ACOXL: variants seen among roughly 807,000 people sequenced by gnomAD.
The protein encoded by ACOXL is acyl-CoA oxidase like, also known as acyl-coenzyme A oxidase-like protein.
Under a neutral mutation model 71.9 loss-of-function variants are expected in ACOXL, and 70 were observed. The observed-to-expected ratio is 0.97, with a 90% confidence interval of 0.80 to 1.19. The LOEUF (loss-of-function observed/expected upper bound fraction) is 1.19, where lower values mean the gene tolerates loss of function less well. ACOXL is among the 50% of genes most tolerant of loss of function. The probability of loss-of-function intolerance (pLI) is 0.00; values close to 1 mark genes in which losing one functional copy is unlikely to be tolerated. For missense variants in ACOXL, 703 were observed against 736.3 expected (o/e 0.95, Z 0.52); for synonymous variants, 253 against 281.6 (o/e 0.90, Z 1.02).
At chr2:110,799,406 CAG>C (rs1685677312) in intron 7 of ACOXL, among the ~76,000 whole-genome samples, 1 of 152,172 alleles carries the variant, frequency 6.6e-6, no homozygotes, top group East Asian at 1.9e-4. Context: ...TGGGGGCTCT[CAG>C]GGGGCAGGCT....
chr2:110,758,532 T>A (rs1190135471), intron 1 of ACOXL, among the ~76,000 whole-genome samples: 1 of 152,218 alleles, frequency 6.6e-6, no homozygotes, highest in Non-Finnish European at 1.5e-5. Flanking sequence ...AGTAGTGATA[T>A]CCCCTTTATC....
rs191940924 is a variant in ACOXL at position 110,868,577 on chromosome 2, T to C, written c.788+27172T>C. On this transcript the variant is annotated intron_variant, in intron 10 of 17. Transcript: ENST00000439055. ...CACATCTTATTCATTTTTCTCAGCA[T>C]TGCTCCACTAGAATTTCTTTTCTTT... Among the ~76,000 whole-genome samples, 83 of 152,328 alleles carry C rather than the reference T, an allele frequency of 5.4e-4. 2 individuals are homozygous for C. Among genetic ancestry groups the C allele is most frequent in the Admixed American group, 4.0e-3 (61 of 15,298 alleles).
At chr2:110,963,745 A>G (rs1248342694) in intron 12 of ACOXL, 7 of 1,612,708 alleles carry the variant, frequency 4.3e-6, no homozygotes, top group Non-Finnish European at 4.2e-6. Flanking sequence ...CAAGATCAAG[A>G]GTTATCCAGA....
intron 10 of ACOXL, among the ~76,000 whole-genome samples, chr2:110,844,110 C>T (rs1365038816): frequency 6.6e-6 from 1 of 152,166 alleles, no homozygotes; most frequent in Non-Finnish European, 1.5e-5. Flanking sequence ...AAAGTGATTG[C>T]AGTAACTCAG....
At chr2:111,088,997 A>T (rs1360094852) in intron 16 of ACOXL, among the ~76,000 whole-genome samples, 1 of 152,126 alleles carries the variant, frequency 6.6e-6, no homozygotes, top group Non-Finnish European at 1.5e-5. Context: ...TCTTAATCAG[A>T]TTACTAGAAG....
chr2:110,959,430 CTTT>C lies in ACOXL; in HGVS notation c.1059+25789_1059+25791del, dbSNP rs568466449. ...TTTCTTGGGCACCGGCTCAAAGTCC[CTTT>C]AAGTGCGAAGTCTTTATTCCTGGTT... On this transcript the variant is annotated intron_variant, in intron 12 of 17. Transcript: ENST00000439055. Among the ~76,000 whole-genome samples, 45 of 152,316 alleles carry C rather than the reference CTTT, an allele frequency of 3.0e-4. 1 individual carries two copies. The highest frequency in any genetic ancestry group is 1.1e-3 in the African/African-American group (44 of 41,570).
intron 1 of ACOXL, among the ~76,000 whole-genome samples, chr2:110,750,565 T>C (rs55875530): frequency 0.025 from 3,687 of 149,286 alleles, 68 homozygotes; most frequent in East Asian, 0.055. Flanking sequence ...TTTTTTCCAC[T>C]ACTATATATA....
chr2:111,089,818 A>T (rs915743233), intron 16 of ACOXL, among the ~76,000 whole-genome samples: 1 of 152,220 alleles, frequency 6.6e-6, no homozygotes, highest in Non-Finnish European at 1.5e-5. Context: ...TATAGAATCC[A>T]AACCTAGGGC....
intron 2 of ACOXL, 103 bp from the exon 3 acceptor site, chr2:110,784,625 GTTTA>G: frequency 1.2e-6 from 1 of 817,986 alleles, no homozygotes; most frequent in Non-Finnish European, 1.8e-6. Flanking sequence ...CTTTTACTGT[GTTTA>G]TTTTTTATTA....
At chr2:110,758,956 G>C (rs1680036385) in intron 1 of ACOXL, among the ~76,000 whole-genome samples, 2 of 152,166 alleles carry the variant, frequency 1.3e-5, no homozygotes, top group Admixed American at 1.3e-4. Flanking sequence ...TCAGGAGCAG[G>C]TTGTTCCGTT....
At chr2:111,107,735 G>T (rs149566971) in intron 17 of ACOXL, among the ~76,000 whole-genome samples, 1 of 152,322 alleles carries the variant, frequency 6.6e-6, no homozygotes, top group South Asian at 2.1e-4. Context: ...TGATCTGCCC[G>T]CCTTGGCTTC....
rs987401589 is a variant in ACOXL at position 110,979,549 on chromosome 2, C to T, written c.1060-7559C>T. 3.9e-5 allele frequency among the ~76,000 whole-genome samples: 6 copies of T among 152,254 alleles called. 1 individual carries two copies. The highest frequency in any genetic ancestry group is 1.3e-4 in the Admixed American group (2 of 15,286). On this transcript the variant is annotated intron_variant, in intron 12 of 17. Transcript: ENST00000439055. Reference sequence around the variant, plus strand: ...GAAGTCTGTGTGGGGTGTGAGGGCCCCAGCTGCCTGCAGGAGTGGTGTGCT... The same window carrying T: ...GAAGTCTGTGTGGGGTGTGAGGGCCTCAGCTGCCTGCAGGAGTGGTGTGCT...
intron 15 of ACOXL, among the ~76,000 whole-genome samples, chr2:111,038,222 A>G (rs2065615557): frequency 6.6e-6 from 1 of 152,232 alleles, no homozygotes; most frequent in African/African-American, 2.4e-5. Flanking sequence ...GAGTTGTCTA[A>G]GGTCACACAG....
rs543393070 is a variant in ACOXL, at chr2:110,990,191, G to T, written c.1169+2974G>T. Among the ~76,000 whole-genome samples, 10 of 152,088 alleles carry T rather than the reference G, an allele frequency of 6.6e-5. 1 individual carries two copies. The South Asian group carries it at 1.7e-3, about 25-fold the overall frequency. On this transcript the variant is annotated intron_variant, in intron 13 of 17. Transcript: ENST00000439055. ...GAAAATTGACATATTTATAAAGCAG[G>T]TCTTCCTCTCAAAGATTTTCATCTT...
chr2:111,049,136 T>C lies in ACOXL; in HGVS notation c.1370-82T>C, dbSNP rs2066160252. On this transcript the variant is annotated intron_variant, in intron 15 of 17. Coordinates refer to ENST00000439055, the MANE Select transcript of ACOXL (RefSeq NM_001142807.4). ...GACAGCATGCTGTTTACGTCTGTTATAACCACAGTGTCCTCCTTCACATCA... is the reference window on the plus strand; with the variant it reads ...GACAGCATGCTGTTTACGTCTGTTACAACCACAGTGTCCTCCTTCACATCA... 7.0e-5 allele frequency: 77 copies of C among 1,096,014 alleles called. 2 individuals are homozygous for C. The South Asian group carries it at 9.5e-4, about 13-fold the overall frequency. The allele number at this position is 1,096,014 out of a possible 1,614,324, so 67.9% of individuals were successfully genotyped here.
At chr2:110,816,638 T>C (rs1687953319) in intron 9 of ACOXL, among the ~76,000 whole-genome samples, 2 of 152,206 alleles carry the variant, frequency 1.3e-5, no homozygotes, top group Non-Finnish European at 2.9e-5. Context: ...ATTGTCAGTG[T>C]GACTGGAGTG....
intron 15 of ACOXL, among the ~76,000 whole-genome samples, chr2:111,045,505 C>T (rs955713740): frequency 1.3e-5 from 2 of 152,214 alleles, no homozygotes; most frequent in South Asian, 2.1e-4. Flanking sequence ...ACGTGAAGGA[C>T]GTGTTTGCTT....
intron 12 of ACOXL, among the ~76,000 whole-genome samples, chr2:110,984,798 G>A (rs2062855479): frequency 6.6e-6 from 1 of 152,152 alleles, no homozygotes; most frequent in South Asian, 2.1e-4. Flanking sequence ...AGAACAGGAA[G>A]GGAATGTACT....
At chr2:110,912,947 A>G (rs1445838985) in intron 11 of ACOXL, among the ~76,000 whole-genome samples, 5 of 152,190 alleles carry the variant, frequency 3.3e-5, no homozygotes, top group Admixed American at 2.6e-4. Context: ...AAAATGGGCA[A>G]AGATCCAAAG....
Sources: gnomAD v4.1 joint callset for allele counts (sites outside exome capture counted in the v4.1 genomes callset) on GRCh38, gnomAD v4.1.1 for gene constraint, MANE v1.5 for transcripts, NCBI Gene and HGNC (gene_info 2026-07-23, HGNC 2026-07-21) for gene names.